The following NSD2 variants were observed in gnomAD, a reference collection of about 807,000 sequenced individuals.
NSD2 encodes the protein nuclear receptor binding SET domain protein 2.
A neutral mutation model predicts 139.0 loss-of-function variants in NSD2; 12 were observed. The ratio of observed to expected loss-of-function variants is 0.09; its 90% CI spans 0.06 to 0.14. The LOEUF is 0.14. Among genes scored for constraint, NSD2 ranks in the 10% least tolerant of loss-of-function variants. NSD2 has a pLI of 1.00. For synonymous variants in NSD2, 669 were observed against 648.7 expected, an observed-to-expected ratio of 1.03 and a Z score of -0.48; for missense variants, 1,155 against 1,745.0, an observed-to-expected ratio of 0.66 and a Z score of 6.02.
At chr4:1,947,829 G>C in intron 9 of NSD2, 1 of 1,049,550 alleles carries the variant, frequency 9.5e-7, no homozygotes, top group South Asian at 4.6e-5. Context: ...TATTCAAGTT[G>C]TGAAGGGATT....
intron 6 of NSD2, among the ~76,000 whole-genome samples, chr4:1,933,831 A>G (rs1721979370): frequency 6.6e-6 from 1 of 152,332 alleles, no homozygotes. Flanking sequence ...TAGAATTTGC[A>G]CTTACACCTT....
intron 1 of NSD2, among the ~76,000 whole-genome samples, chr4:1,888,247 A>G (rs1009038323): frequency 3.3e-5 from 5 of 151,884 alleles, no homozygotes; most frequent in African/African-American, 1.2e-4. Context: ...ACCAGTCTCC[A>G]CTAAAAATAC....
intron 6 of NSD2, among the ~76,000 whole-genome samples, chr4:1,934,847 TAAAAAAAAAAAAAAA>T (rs34096276): frequency 2.9e-4 from 6 of 20,712 alleles, no homozygotes; most frequent in African/African-American, 9.6e-4. Flanking sequence ...GACTCCATCT[TAAAAAAAAAAAAAAA>T]AAAAAAAAAA....
chr4:1,890,528 C>T (rs1378918019), intron 1 of NSD2, among the ~76,000 whole-genome samples: 6 of 151,936 alleles, frequency 3.9e-5, no homozygotes, highest in Admixed American at 1.3e-4. Context: ...GTCTCGATCT[C>T]CTGACCTCGT....
Position 1,972,654 on chromosome 4 carries a change from A to G in NSD2, c.3373-2209A>G, listed in dbSNP as rs1339235519. 6.6e-6 allele frequency among the ~76,000 whole-genome samples: 1 copy of G among 152,224 alleles called. No individual in the cohort carries two copies. The highest frequency in any genetic ancestry group is 1.9e-4 in the East Asian group (1 of 5,198). On this transcript the variant is annotated intron_variant, in intron 18 of 21. Coordinates refer to ENST00000508803, the MANE Select transcript of NSD2 (RefSeq NM_001042424.3). This position sits in a 1 kb window ranked among gnomAD's most constrained non-coding sequence, Gnocchi z 4.0. ...ACTTATAAAGGCCAATTCCAGATGG[A>G]TTGAACAGCTAGGAGTGGGGGAGAT... is the stretch of plus-strand genomic sequence containing the variant.
At position 1,942,848 on chromosome 4, in the gene NSD2, T is replaced by C. The variant is rs1723239456; in HGVS notation, c.1881+3070T>C. 1.9e-6 allele frequency: 2 copies of C among 1,065,602 alleles called. No individual in the cohort carries two copies. Among genetic ancestry groups the C allele is most frequent in the Non-Finnish European group, 2.3e-6 (2 of 879,276 alleles). 66.0% of individuals were successfully genotyped at this position (1,065,602 alleles called of 1,614,324 possible). A position where few individuals can be genotyped will look rare whatever the true frequency, so the allele number is the denominator to read the frequency against. The stretch of plus-strand genomic sequence containing the variant: ...GAGGAGTCCTCATCAGCTGTTCTCA[T>C]TGCCAGTGAGATATATTCAGTATTG... On this transcript the variant is annotated intron_variant, in intron 9 of 21. Coordinates refer to ENST00000508803, the MANE Select transcript of NSD2 (RefSeq NM_001042424.3). The surrounding 1 kb of genome is among the most constrained non-coding windows in gnomAD (Gnocchi z 4.0).
In NSD2 at chr4:1,979,826, C is replaced by T. The variant is rs189169651; in HGVS notation, c.*917C>T. 6.5e-5 allele frequency: 15 copies of T among 232,294 alleles called. No individual in the cohort carries two copies. The highest frequency in any genetic ancestry group is 2.9e-4 in the African/African-American group (13 of 45,412). 14.4% of individuals were successfully genotyped at this position (232,294 alleles called of 1,614,324 possible). ...CGACTGAAGTGTGTGTTTACTGATG[C>T]GGCCCTGAGCTCCATGGCGAAAGGA... On this transcript the variant is annotated 3_prime_UTR_variant, in exon 22 of 22. Coordinates refer to ENST00000508803, the MANE Select transcript of NSD2 (RefSeq NM_001042424.3).
intron 20 of NSD2, 115 bp downstream of exon 20, chr4:1,975,515 G>C (rs2109022272): frequency 1.1e-6 from 1 of 917,844 alleles, no homozygotes; most frequent in South Asian, 1.6e-5. Context: ...TGCCGGGACA[G>C]GTGGGAGCAA....
At chr4:1,952,073 C>T (rs756134493) in intron 10 of NSD2, 35 bp from the exon 11 acceptor site, 17 of 1,607,716 alleles carry the variant, frequency 1.1e-5, no homozygotes, top group African/African-American at 4.0e-5. Context: ...AAGGGACTGC[C>T]GGGCGCTGCT....
chr4:1,913,860 C>A lies in NSD2; in HGVS notation c.761-3011C>A, dbSNP rs192863283. ...TGTCTTTATTTCTACCATCTCTCGT[C>A]TCCACACACGAGGAGAAAAACCCAC... On this transcript the variant is annotated intron_variant, in intron 3 of 21. Coordinates refer to ENST00000508803, the MANE Select transcript of NSD2 (RefSeq NM_001042424.3). Among the ~76,000 whole-genome samples the A allele has an allele frequency of 8.5e-5, 13 of 152,226 alleles. No individual in the cohort carries two copies. In the East Asian group the frequency reaches 2.1e-3, roughly 25 times the overall value.
chr4:1,974,768 C>T lies in NSD2; in HGVS notation c.3373-95C>T, dbSNP rs1210302185. 3 of 1,553,114 alleles carry T rather than the reference C, an allele frequency of 1.9e-6. No homozygotes were observed. The highest frequency in any genetic ancestry group is 2.7e-6 in the Non-Finnish European group (3 of 1,128,554). ...ACGGTTTTCAGTACAACAAGGAACA[C>T]AACTTGTTCAATGTGCTTTATGATG... is the stretch of plus-strand genomic sequence containing the variant. On this transcript the variant is annotated intron_variant, in intron 18 of 21. Coordinates refer to ENST00000508803, the MANE Select transcript of NSD2 (RefSeq NM_001042424.3). This position sits in a 1 kb window ranked among gnomAD's most constrained non-coding sequence, Gnocchi z 4.0.
chr4:1,920,070 G>A (rs1365267687), intron 5 of NSD2, among the ~76,000 whole-genome samples: 3 of 152,218 alleles, frequency 2.0e-5, no homozygotes, highest in Non-Finnish European at 2.9e-5. Context: ...GGGTGACTGT[G>A]AGTATTCTAA....
intron 1 of NSD2, among the ~76,000 whole-genome samples, chr4:1,890,260 C>T (rs1038930194): frequency 6.6e-6 from 1 of 152,008 alleles, no homozygotes. Flanking sequence ...AATAATGCTG[C>T]TGTGAACATT....
intron 18 of NSD2, among the ~76,000 whole-genome samples, chr4:1,969,383 C>CAGAAAACAATGAAAAGGTTATGTA (rs1366514142): frequency 6.6e-6 from 1 of 152,092 alleles, no homozygotes; most frequent in Non-Finnish European, 1.5e-5. Flanking sequence ...CCGACTTCTT[C>CAGAAAACAATGAAAAGGTTATGTA]AGAAAACAAT....
chr4:1,905,132 C>CA (rs77067799), intron 3 of NSD2, among the ~76,000 whole-genome samples: 166 of 134,456 alleles, frequency 1.2e-3, no homozygotes, highest in Middle Eastern at 3.6e-3. Flanking sequence ...CTCTGTCTCA[C>CA]AAAAAAAAAA....
chr4:1,871,779 G>A (rs1193897263), intron 1 of NSD2, among the ~76,000 whole-genome samples: 1 of 149,856 alleles, frequency 6.7e-6, no homozygotes, highest in Non-Finnish European at 1.5e-5. Context: ...GCGGAGGCCT[G>A]AGGGCCGGCG....
In NSD2 at chr4:1,940,191, C is replaced by A. The variant is rs1722945323; in HGVS notation, c.1881+413C>A. On this transcript the variant is annotated intron_variant, in intron 9 of 21. Coordinates refer to ENST00000508803, the MANE Select transcript of NSD2 (RefSeq NM_001042424.3). ...TGGGTGGGGTGGAAGGCGACTCACA[C>A]ACCACACCTGATTCCTGTTGCTTCC... 5.5e-6 allele frequency: 6 copies of A among 1,086,382 alleles called. No homozygotes were observed. In the African/African-American group the frequency reaches 9.7e-5, roughly 18 times the overall value. The allele number at this position is 1,086,382 out of a possible 1,614,324, so 67.3% of individuals were successfully genotyped here. A position where few individuals can be genotyped will look rare whatever the true frequency, so the allele number is the denominator to read the frequency against.
intron 4 of NSD2, 92 bp downstream of exon 4, chr4:1,917,129 C>A: frequency 8.4e-7 from 1 of 1,197,440 alleles, no homozygotes; most frequent in South Asian, 1.8e-5. Flanking sequence ...TATACTTGCT[C>A]GAAATATTGT....
chr4:1,902,078 G>C (rs1717258540), intron 2 of NSD2, among the ~76,000 whole-genome samples: 2 of 152,098 alleles, frequency 1.3e-5, no homozygotes, highest in African/African-American at 4.8e-5. Context: ...CTGTTCATCT[G>C]GTGGTCTATA....
Sources: gnomAD v4.1 joint callset for allele counts (sites outside exome capture counted in the v4.1 genomes callset) on GRCh38, gnomAD v4.1.1 for gene constraint, Gnocchi (gnomAD v3.1) non-coding constraint, MANE v1.5 for transcripts, NCBI Gene and HGNC (gene_info 2026-07-23, HGNC 2026-07-21) for gene names.